The following SUN1 variants were observed in gnomAD, a reference collection of about 807,000 sequenced individuals.
SUN1 encodes Sad1 and UNC84 domain containing 1, also known as SUN domain-containing protein 1.
A neutral mutation model predicts 103.2 loss-of-function variants in SUN1; 61 were observed. The ratio of observed to expected loss-of-function variants is 0.59; its 90% CI spans 0.48 to 0.73. SUN1 has a LOEUF of 0.73. Ranked by LOEUF, SUN1 falls within the 30% of genes least tolerant of loss-of-function variation. The probability of loss-of-function intolerance (pLI) is 0.00; values close to 1 mark genes in which losing one functional copy is unlikely to be tolerated. For synonymous variants in SUN1, 490 were observed against 425.7 expected (o/e 1.15, Z -1.86); for missense variants, 1,052 against 1,034.6 (o/e 1.02, Z -0.23).
chr7:817,082 C>A (rs1179254286), intron 1 of SUN1, among the ~76,000 whole-genome samples: 5 of 152,064 alleles, frequency 3.3e-5, no homozygotes, highest in Non-Finnish European at 5.9e-5. Context: ...GTTGCGGGGT[C>A]CCAGCCCCTG....
At position 873,278 on chromosome 7, in the gene SUN1, C is replaced by T. The variant is rs1585435639; in HGVS notation, c.2305C>T (p.Pro769Ser). The change falls in exon 19 of 19, where the codon CCT becomes TCT. Residue 769 changes from proline (P) to serine (S), a missense_variant. Pro to Ser is a moderately conservative substitution (Grantham distance 74, BLOSUM62 -1). This residue lies in a region of SUN1 where 206 missense variants were observed against 260.1 expected (regional missense o/e 0.79). Coordinates refer to ENST00000401592, the MANE Select transcript of SUN1 (RefSeq NM_001130965.3). Reference sequence around the variant, plus strand: ...TCGGATTTTTTCTAACTGGGGCCATCCTGAGTATACCTGTCTGTATCGGTT... The same window carrying T: ...TCGGATTTTTTCTAACTGGGGCCATTCTGAGTATACCTGTCTGTATCGGTT... ...ELRIFSNWGH[P>S]EYTCLYRFRV... 1 of 1,614,244 alleles carries T rather than the reference C, an allele frequency of 6.2e-7. No individual in the cohort carries two copies. Among genetic ancestry groups the T allele is most frequent in the East Asian group, 2.2e-5 (1 of 44,888 alleles).
intron 5 of SUN1, 144 bp from the exon 6 acceptor site, chr7:851,240 G>A (rs777517194): frequency 6.8e-6 from 4 of 584,278 alleles, no homozygotes; most frequent in Non-Finnish European, 9.1e-6. Context: ...AGAGTTATTT[G>A]GCTTTTCATA....
intron 15 of SUN1, among the ~76,000 whole-genome samples, chr7:863,981 A>C (rs1834261571): frequency 6.6e-6 from 1 of 152,186 alleles, no homozygotes; most frequent in Admixed American, 6.5e-5. Context: ...ATATGTAAAA[A>C]CTTGAGAAGT....
At chr7:870,996 T>G (rs1223053785) in intron 17 of SUN1, among the ~76,000 whole-genome samples, 3 of 151,650 alleles carry the variant, frequency 2.0e-5, no homozygotes, top group Admixed American at 6.6e-5. Context: ...GTTCAAGCGA[T>G]TCTCCTGCCT....
chr7:824,053 A>G (rs1433457094), intron 1 of SUN1, among the ~76,000 whole-genome samples: 2 of 152,214 alleles, frequency 1.3e-5, no homozygotes, highest in East Asian at 1.9e-4. Context: ...GAAGTGGGAC[A>G]TGAGTGAGGG....
intron 3 of SUN1, chr7:842,941 C>T: frequency 1.7e-6 from 1 of 587,148 alleles, no homozygotes; most frequent in Non-Finnish European, 3.1e-6. Context: ...TCCTCTCCTT[C>T]CCTCATGTTC....
chr7:843,198 T>C lies in SUN1; in HGVS notation c.452-8T>C. 1 of 1,608,552 alleles carries C rather than the reference T, an allele frequency of 6.2e-7. No individual in the cohort carries two copies. The highest frequency in any genetic ancestry group is 8.5e-7 in the Non-Finnish European group (1 of 1,179,614). ...AAAATGTGTGTGTGTGTGTGTTTTT[T>C]TTTTTAGGTCTTGATGATGATGGTG... On this transcript the variant is annotated splice_polypyrimidine_tract_variant and splice_region_variant and intron_variant, in intron 3 of 18. Transcript: ENST00000401592.
chr7:872,854 C>T (rs552611032), intron 18 of SUN1, among the ~76,000 whole-genome samples: 5 of 151,832 alleles, frequency 3.3e-5, no homozygotes, highest in African/African-American at 7.3e-5. Context: ...TTTGCGGGGC[C>T]GAGGCAGGCG....
At chr7:843,548 A>G (rs1336773443) in intron 5 of SUN1, 28 bp downstream of exon 5, 2 of 1,613,752 alleles carry the variant, frequency 1.2e-6, no homozygotes, top group Admixed American at 3.3e-5. Context: ...AAAACTCAGA[A>G]AAAGGTGTGT....
rs1179302833 is a variant in SUN1, at chr7:873,218, A to C, written c.2245A>C (p.Arg749=). 4 of 1,614,116 alleles carry C rather than the reference A, an allele frequency of 2.5e-6. No homozygotes were observed. The African/African-American group carries it at 5.3e-5, about 22-fold the overall frequency. Residue 749 remains arginine, a synonymous_variant, in exon 19 of 19, where the codon AGA becomes CGA. Coordinates refer to ENST00000401592, the MANE Select transcript of SUN1 (RefSeq NM_001130965.3). ...ESLQMFQALK[R]PDDTAFQIVE... ...GTTTTTCCCACCTTGATTTCAGAAAAGACCCGACGACACAGCTTTCCAAAT... is the reference window on the plus strand; with the variant it reads ...GTTTTTCCCACCTTGATTTCAGAAACGACCCGACGACACAGCTTTCCAAAT...
At chr7:862,485 C>T (rs1480027215) in intron 15 of SUN1, among the ~76,000 whole-genome samples, 2 of 152,194 alleles carry the variant, frequency 1.3e-5, no homozygotes, top group East Asian at 1.9e-4. Flanking sequence ...GGTAGACAGA[C>T]ATCAACAAGG....
chr7:849,651 C>T (rs1273201661), intron 5 of SUN1: 1 of 1,530,874 alleles, frequency 6.5e-7, no homozygotes, highest in East Asian at 2.5e-5. Flanking sequence ...GGAGTTGGTC[C>T]CACACGCTGT....
At chr7:817,139 T>G in intron 1 of SUN1, 5 of 385,880 alleles carry the variant, frequency 1.3e-5, no homozygotes, top group East Asian at 6.3e-5. Context: ...GACGGTTTTA[T>G]TTAAGAGGGG....
chr7:830,911 G>A (rs1468098007), upstream of SUN1: 3 of 981,792 alleles, frequency 3.1e-6, no homozygotes, highest in Non-Finnish European at 3.6e-6. Context: ...GGGCGGGGCT[G>A]GGTTCTGCAG....
chr7:818,261 G>A (rs558570654), intron 1 of SUN1, among the ~76,000 whole-genome samples: 5 of 152,298 alleles, frequency 3.3e-5, no homozygotes, highest in African/African-American at 9.6e-5. Context: ...GGCTGTTCTG[G>A]ACATTTCATG....
chr7:867,340 C>G (rs1026582013), intron 16 of SUN1, among the ~76,000 whole-genome samples: 5 of 152,274 alleles, frequency 3.3e-5, no homozygotes, highest in African/African-American at 1.2e-4. Context: ...ACGAGTGCCA[C>G]CGGCACAGTC....
chr7:853,194 CAAAGTACAG>C (rs1823872347), intron 9 of SUN1: 2 of 741,808 alleles, frequency 2.7e-6, no homozygotes, highest in African/African-American at 3.5e-5. Context: ...CATCACTGTA[CAAAGTACAG>C]AAAGTATAGA....
chr7:856,924 C>T (rs763950754), intron 12 of SUN1, among the ~76,000 whole-genome samples: 7 of 152,188 alleles, frequency 4.6e-5, no homozygotes, highest in Non-Finnish European at 8.8e-5. Context: ...GGCCTCTCCG[C>T]GTGGCTGTCG....
At chr7:846,719 A>G (rs1816182581) in intron 5 of SUN1, among the ~76,000 whole-genome samples, 1 of 152,024 alleles carries the variant, frequency 6.6e-6, no homozygotes, top group African/African-American at 2.4e-5. Flanking sequence ...CTAAAAAAGC[A>G]GAAACAAATT....
Sources: allele counts gnomAD v4.1 joint callset (sites outside exome capture counted in the v4.1 genomes callset), GRCh38; gene constraint gnomAD v4.1.1; regional missense constraint gnomAD v4.1.1; transcripts MANE v1.5; gene names NCBI Gene and HGNC (gene_info 2026-07-23, HGNC 2026-07-21).